Variants in STK32A observed in about 807,000 individuals in gnomAD.
STK32A encodes the protein serine/threonine kinase 32A, also known as serine/threonine-protein kinase 32A.
Under a neutral mutation model 53.2 loss-of-function variants are expected in STK32A, and 41 were observed. The observed-to-expected ratio is 0.77, with a 90% CI of 0.60 to 1.00. STK32A has a LOEUF of 1.00. STK32A is among the 50% of genes least tolerant of loss of function. The pLI is 0.00. For missense variants in STK32A, 458 were observed against 485.8 expected, an observed-to-expected ratio of 0.94 and a Z score of 0.54; for synonymous variants, 166 against 162.8, an observed-to-expected ratio of 1.02 and a Z score of -0.15.
In STK32A at chr5:147,299,425, TA is replaced by T. The variant is rs1753024344; in HGVS notation, c.260+20028del. ...TGACCTCCTATCTCATCCTGTGACT[TA>T]GAATGCCTTAACTGTCTGGAAATGC... On this transcript the variant is annotated intron_variant, in intron 4 of 12. Coordinates refer to ENST00000397936, the MANE Select transcript of STK32A (RefSeq NM_001112724.2). Among the ~76,000 whole-genome samples, 4 of 152,152 alleles carry T rather than the reference TA, an allele frequency of 2.6e-5. No homozygotes were observed. The South Asian group carries it at 8.3e-4, about 32-fold the overall frequency.
At chr5:147,329,685 A>G (rs565363928) in intron 5 of STK32A, among the ~76,000 whole-genome samples, 3 of 152,320 alleles carry the variant, frequency 2.0e-5, no homozygotes, top group Non-Finnish European at 4.4e-5. Flanking sequence ...CGTCTTCCCA[A>G]TGCTCATGGT....
chr5:147,362,430 A>T (rs2151998889), intron 8 of STK32A, among the ~76,000 whole-genome samples: 1 of 152,312 alleles, frequency 6.6e-6, no homozygotes, highest in Non-Finnish European at 1.5e-5. Flanking sequence ...TCTTCTTATA[A>T]GTCTACTAAT....
At chr5:147,254,446 A>G (rs1411381022) in intron 2 of STK32A, among the ~76,000 whole-genome samples, 3 of 152,210 alleles carry the variant, frequency 2.0e-5, no homozygotes, top group Non-Finnish European at 4.4e-5. Context: ...AGGTTTCTGA[A>G]TGTTATATAT....
rs368016484 is a variant in STK32A, at chr5:147,361,660, T to C, written c.660+46T>C. ...CTTTGGTTATTTTTCCAGCAAGTTC[T>C]ATTTTAGAATGAAAGAATGTATTGT... On this transcript the variant is annotated intron_variant, in intron 8 of 12. Coordinates refer to ENST00000397936, the MANE Select transcript of STK32A (RefSeq NM_001112724.2). 46 of 1,334,580 alleles carry C rather than the reference T, an allele frequency of 3.4e-5. No homozygotes were observed. In the African/African-American group the frequency reaches 6.5e-4, roughly 19 times the overall value. 82.7% of individuals were successfully genotyped at this position (1,334,580 alleles called of 1,614,324 possible). A position where few individuals can be genotyped will look rare whatever the true frequency, so the allele number is the denominator to read the frequency against.
chr5:147,363,327 C>G (rs1267115411), intron 8 of STK32A, among the ~76,000 whole-genome samples: 1 of 140,360 alleles, frequency 7.1e-6, no homozygotes, highest in African/African-American at 2.9e-5. Context: ...TAGATCTACA[C>G]AGGCATGGGA....
At chr5:147,282,306 AACAC>A (rs1315478215) in intron 4 of STK32A, among the ~76,000 whole-genome samples, 2 of 152,300 alleles carry the variant, frequency 1.3e-5, no homozygotes, top group East Asian at 3.9e-4. Flanking sequence ...TCCTTTCCTG[AACAC>A]ACACCCCCAC....
At chr5:147,370,273 T>G (rs1326231017) in intron 8 of STK32A, among the ~76,000 whole-genome samples, 4 of 152,170 alleles carry the variant, frequency 2.6e-5, no homozygotes, top group African/African-American at 9.7e-5. Flanking sequence ...CATAATAATT[T>G]TTTAGACTTC....
downstream of STK32A, chr5:147,392,450 G>A (rs1348662553): frequency 6.6e-6 from 1 of 152,166 alleles, no homozygotes; most frequent in Non-Finnish European, 1.5e-5. Flanking sequence ...AGGTGTCTGA[G>A]GCCTGCTCTT....
chr5:147,372,157 A>T (rs1757028248), intron 9 of STK32A, among the ~76,000 whole-genome samples: 1 of 152,026 alleles, frequency 6.6e-6, no homozygotes, highest in Non-Finnish European at 1.5e-5. Flanking sequence ...CAGATTTTCA[A>T]GGTACCCATC....
chr5:147,248,078 A>G (rs1054569621), intron 2 of STK32A, among the ~76,000 whole-genome samples: 2 of 148,550 alleles, frequency 1.3e-5, no homozygotes, highest in African/African-American at 5.0e-5. Flanking sequence ...CCCAGATTGC[A>G]CCATTGCACT....
At chr5:147,373,322 ACT>A in intron 10 of STK32A, 28 bp downstream of exon 10, 1 of 1,611,754 alleles carries the variant, frequency 6.2e-7, no homozygotes. Flanking sequence ...AAGCCAAATA[ACT>A]CCCATTCAGT....
chr5:147,393,922 A>T, the STK32A span: 1 of 1,062,536 alleles, frequency 9.4e-7, no homozygotes, highest in Non-Finnish European at 1.4e-6. Flanking sequence ...AGGCTTATTG[A>T]TTCTTTAGAT....
At chr5:147,359,209 T>C (rs943665060) in intron 7 of STK32A, among the ~76,000 whole-genome samples, 2 of 152,194 alleles carry the variant, frequency 1.3e-5, no homozygotes, top group African/African-American at 4.8e-5. Flanking sequence ...CCCTTCAATA[T>C]CTTCCTGCTC....
chr5:147,341,354 G>A (rs1205750312), intron 5 of STK32A, among the ~76,000 whole-genome samples: 6 of 152,176 alleles, frequency 3.9e-5, no homozygotes, highest in East Asian at 1.9e-4. Context: ...CTTCTTGAGT[G>A]CACTGGAATT....
chr5:147,390,478 C>CAAAAAAAAA (rs151186049), downstream of STK32A, among the ~76,000 whole-genome samples: 209 of 110,838 alleles, frequency 1.9e-3, no homozygotes, highest in African/African-American at 6.0e-3. Context: ...GGGGAAAGAC[C>CAAAAAAAAA]AAAAAAAAAA....
At chr5:147,347,856 A>G (rs1459971934) in intron 6 of STK32A, among the ~76,000 whole-genome samples, 1 of 152,194 alleles carries the variant, frequency 6.6e-6, no homozygotes, top group Non-Finnish European at 1.5e-5. Flanking sequence ...CCTGGGACTA[A>G]GGCTTAGGGC....
intron 4 of STK32A, among the ~76,000 whole-genome samples, chr5:147,321,781 G>A (rs904505820): frequency 2.0e-5 from 3 of 152,218 alleles, no homozygotes; most frequent in South Asian, 4.1e-4. Context: ...GTCAACAGCA[G>A]GGAGTGAATC....
At chr5:147,337,604 G>A (rs375622409) in intron 5 of STK32A, among the ~76,000 whole-genome samples, 3 of 152,104 alleles carry the variant, frequency 2.0e-5, no homozygotes, top group African/African-American at 4.8e-5. Context: ...ATAGTTACTC[G>A]AGCACCTACT....
At chr5:147,315,369 C>T (rs1174868201) in intron 4 of STK32A, among the ~76,000 whole-genome samples, 1 of 152,080 alleles carries the variant, frequency 6.6e-6, no homozygotes, top group East Asian at 1.9e-4. Context: ...ATAGTATGTG[C>T]CTATGATGGA....
Sources: allele counts gnomAD v4.1 joint callset (sites outside exome capture counted in the v4.1 genomes callset), GRCh38; gene constraint gnomAD v4.1.1; transcripts MANE v1.5; gene names NCBI Gene and HGNC (gene_info 2026-07-23, HGNC 2026-07-21).